The following ANKRD36C variants were observed in gnomAD, a reference collection of about 807,000 sequenced individuals.
The protein encoded by ANKRD36C is ankyrin repeat domain-containing protein 36C.
ANKRD36C carries 61 observed loss-of-function variants against 276.4 expected under a neutral mutation model. The ratio of observed to expected loss-of-function variants is 0.22; its 90% CI spans 0.18 to 0.27. The LOEUF (loss-of-function observed/expected upper bound fraction) is 0.27, where lower values mean the gene tolerates loss of function less well. Ranked by LOEUF, ANKRD36C falls within the 10% of genes least tolerant of loss-of-function variation. ANKRD36C has a pLI of 1.00. For synonymous variants in ANKRD36C, 483 were observed against 680.1 expected, an observed-to-expected ratio of 0.71 and a Z score of 4.51; for missense variants, 1,447 against 2,032.3, an observed-to-expected ratio of 0.71 and a Z score of 5.54.
At chr2:95,866,553 G>T (rs1219048750) in intron 60 of ANKRD36C, among the ~76,000 whole-genome samples, 2 of 151,974 alleles carry the variant, frequency 1.3e-5, no homozygotes, top group African/African-American at 4.8e-5. Flanking sequence ...TAGTCATTAG[G>T]ATCATGTACA....
chr2:95,948,538 C>T (rs1368102833), exon 17 of ANKRD36C: 2 of 1,535,340 alleles, frequency 1.3e-6, no homozygotes, highest in Non-Finnish European at 1.7e-6. Flanking sequence ...ACCTCAGATT[C>T]CAAAGCAAAC....
chr2:95,878,594 A>G (rs569777392), intron 58 of ANKRD36C, among the ~76,000 whole-genome samples: 11 of 152,328 alleles, frequency 7.2e-5, no homozygotes, highest in African/African-American at 2.4e-4. Flanking sequence ...TATAATTTCT[A>G]TTTCCTAAAT....
chr2:95,882,166 C>G (rs1173199616), intron 56 of ANKRD36C, 136 bp downstream of exon 76: 1 of 734,280 alleles, frequency 1.4e-6, no homozygotes, highest in African/African-American at 1.8e-5. Context: ...CCTGACAACT[C>G]AGTAGAAATG....
intron 26 of ANKRD36C, among the ~76,000 whole-genome samples, chr2:95,928,350 C>T (rs201482807): frequency 1.3e-5 from 2 of 151,658 alleles, no homozygotes; most frequent in Non-Finnish European, 3.0e-5. Flanking sequence ...TATGCAAGTT[C>T]ATCTCATTTT....
chr2:95,968,995 T>C (rs1375831294), intron 6 of ANKRD36C, among the ~76,000 whole-genome samples: 3 of 152,332 alleles, frequency 2.0e-5, no homozygotes, highest in Admixed American at 2.0e-4. Flanking sequence ...GGAACATCCA[T>C]GTATTCTCCA....
At chr2:95,915,069 T>C (rs1677052789) in intron 38 of ANKRD36C, among the ~76,000 whole-genome samples, 1 of 151,610 alleles carries the variant, frequency 6.6e-6, no homozygotes, top group Non-Finnish European at 1.5e-5. Context: ...TAATAAGTTT[T>C]ACATTCAGAA....
chr2:95,918,119 A>G, intron 34 of ANKRD36C, 77 bp from the exon 37 acceptor site: 2 of 1,550,372 alleles, frequency 1.3e-6, no homozygotes, highest in South Asian at 2.3e-5. Flanking sequence ...CAGTGTTAGC[A>G]TCAAGCTGTA....
At chr2:95,963,972 A>AATATATAT (rs1160108122) in intron 6 of ANKRD36C, among the ~76,000 whole-genome samples, 54 of 48,906 alleles carry the variant, frequency 1.1e-3, no homozygotes, top group Admixed American at 1.7e-3. Context: ...TATATATATA[A>AATATATAT]ATATATATAT....
exon 4 of ANKRD36C, chr2:95,982,322 T>C (rs1678939682): frequency 1.3e-6 from 2 of 1,550,510 alleles, no homozygotes; most frequent in Non-Finnish European, 1.7e-6. Flanking sequence ...CATTTTCACT[T>C]TTCTTTGACT....
chr2:95,947,596 G>C (rs1387777534), intron 17 of ANKRD36C, among the ~76,000 whole-genome samples: 1 of 152,092 alleles, frequency 6.6e-6, no homozygotes, highest in Non-Finnish European at 1.5e-5. Context: ...AAGACCCTGA[G>C]TGGATTATTT....
intron 17 of ANKRD36C, among the ~76,000 whole-genome samples, chr2:95,946,364 T>C (rs1678050568): frequency 6.8e-6 from 1 of 146,478 alleles, no homozygotes; most frequent in Admixed American, 6.9e-5. Flanking sequence ...TGAGATACCA[T>C]CTCACACCAG....
At chr2:95,990,981 C>T (rs1351168473) in intron 1 of ANKRD36C, among the ~76,000 whole-genome samples, 2 of 152,000 alleles carry the variant, frequency 1.3e-5, no homozygotes, top group Admixed American at 1.3e-4. Flanking sequence ...GATTGGAAAC[C>T]AGCTGAAGTT....
At chr2:95,941,233 ATG>A (rs1573787918) in intron 19 of ANKRD36C, 34 bp from the exon 20 acceptor site, 1 of 1,473,192 alleles carries the variant, frequency 6.8e-7, no homozygotes, top group East Asian at 2.6e-5. Context: ...TCTTCAGAAA[ATG>A]TTATATTTAC....
chr2:95,976,978 G>C (rs1380850296), intron 6 of ANKRD36C, among the ~76,000 whole-genome samples: 2 of 151,768 alleles, frequency 1.3e-5, no homozygotes, highest in Non-Finnish European at 2.9e-5. Context: ...ACATTCCCAG[G>C]GTTTTGTCAC....
intron 46 of ANKRD36C, 79 bp downstream of exon 66, chr2:95,891,586 C>T (rs1161348645): frequency 4.8e-6 from 7 of 1,470,890 alleles, no homozygotes; most frequent in South Asian, 3.8e-5. Context: ...TTCAACGAAC[C>T]CCCCGCTGAT....
intron 26 of ANKRD36C, 131 bp downstream of exon 26, chr2:95,928,941 C>G (rs563043872): frequency 7.1e-7 from 1 of 1,408,828 alleles, no homozygotes; most frequent in Non-Finnish European, 9.7e-7. Flanking sequence ...GAACTCACTA[C>G]AAATGAAGAA....
chr2:95,859,316 G>A (rs573460153), intron 61 of ANKRD36C, among the ~76,000 whole-genome samples: 1 of 152,244 alleles, frequency 6.6e-6, no homozygotes, highest in South Asian at 2.1e-4. Context: ...ACAGTCATGA[G>A]CCACTGCACC....
chr2:95,873,117 A>C (rs1369541096), intron 59 of ANKRD36C, among the ~76,000 whole-genome samples: 1 of 152,246 alleles, frequency 6.6e-6, no homozygotes, highest in Non-Finnish European at 1.5e-5. Context: ...CTTCCTTCTG[A>C]AACTATTCCA....
chr2:95,929,489 T>C (rs1427062491), intron 24 of ANKRD36C, among the ~76,000 whole-genome samples: 1 of 151,464 alleles, frequency 6.6e-6, no homozygotes, highest in Non-Finnish European at 1.5e-5. Context: ...CAATTTCAAA[T>C]GTGATATGAC....
Sources: gnomAD v4.1 joint callset for allele counts (sites outside exome capture counted in the v4.1 genomes callset) on GRCh38, gnomAD v4.1.1 for gene constraint, MANE v1.5 for transcripts, NCBI Gene and HGNC (gene_info 2026-07-23, HGNC 2026-07-21) for gene names.